The following ITPRID1 variants were observed in gnomAD, a reference collection of about 807,000 sequenced individuals.
ITPRID1 encodes the protein protein ITPRID1.
In ITPRID1, 96 loss-of-function variants were observed where a neutral mutation model predicts 95.4. The observed-to-expected ratio is 1.01, with a 90% CI of 0.85 to 1.19. The LOEUF (loss-of-function observed/expected upper bound fraction) is 1.19, where lower values mean the gene tolerates loss of function less well. Among genes scored for constraint, ITPRID1 ranks in the 50% most tolerant of loss-of-function variants. The probability of loss-of-function intolerance (pLI) is 0.00; values close to 1 mark genes in which losing one functional copy is unlikely to be tolerated. For missense variants in ITPRID1, 1,339 were observed against 1,252.9 expected, an observed-to-expected ratio of 1.07 and a Z score of -1.04; for synonymous variants, 510 against 453.6, an observed-to-expected ratio of 1.12 and a Z score of -1.58.
At position 31,643,697 on chromosome 7, in the gene ITPRID1, C is replaced by T; in HGVS notation, c.2327C>T (p.Pro776Leu). 6.2e-7 allele frequency: 1 copy of T among 1,614,024 alleles called. No individual in the cohort carries two copies. The highest frequency in any genetic ancestry group is 8.5e-7 in the Non-Finnish European group (1 of 1,179,902). ...ALSNKTLTHG[P>L]QPLTKSVSLD... ...AGCAACAAGACCTTGACACATGGGCCCCAGCCCCTCACCAAATCCGTCTCT... is the reference window on the plus strand; with the variant it reads ...AGCAACAAGACCTTGACACATGGGCTCCAGCCCCTCACCAAATCCGTCTCT... The change falls in exon 12 of 15, where the codon CCC becomes CTC. Residue 776 changes from proline to leucine, a missense_variant. Coordinates refer to ENST00000615280, the MANE Select transcript of ITPRID1 (RefSeq NM_001257967.3).
At chr7:31,631,933 G>T (rs7792597) in intron 10 of ITPRID1, among the ~76,000 whole-genome samples, 1 of 151,912 alleles carries the variant, frequency 6.6e-6, no homozygotes, top group Non-Finnish European at 1.5e-5. Context: ...GTGATGGCAG[G>T]TACCTTTGAT....
chr7:31,534,440 G>A (rs778608858), intron 1 of ITPRID1, among the ~76,000 whole-genome samples: 3 of 152,078 alleles, frequency 2.0e-5, no homozygotes, highest in Non-Finnish European at 4.4e-5. Context: ...ATGTCATTGG[G>A]AGCTGTTTTA....
chr7:31,531,022 G>A (rs971938170), intron 1 of ITPRID1, among the ~76,000 whole-genome samples: 6 of 152,234 alleles, frequency 3.9e-5, no homozygotes, highest in African/African-American at 1.4e-4. Context: ...TGCCTCTGGA[G>A]TAGGTCTGGG....
intron 10 of ITPRID1, among the ~76,000 whole-genome samples, chr7:31,620,977 C>A (rs889105026): frequency 6.6e-6 from 1 of 151,540 alleles, no homozygotes. Flanking sequence ...CCTCAGGAGC[C>A]AATGCGATCA....
At chr7:31,561,090 G>C (rs1207078120) in intron 5 of ITPRID1, among the ~76,000 whole-genome samples, 1 of 152,088 alleles carries the variant, frequency 6.6e-6, no homozygotes, top group Admixed American at 6.6e-5. Context: ...TGTATGAGCA[G>C]GAACGACACC....
intron 14 of ITPRID1, 64 bp downstream of exon 14, chr7:31,652,114 G>T: frequency 8.7e-7 from 1 of 1,147,950 alleles, no homozygotes; most frequent in South Asian, 1.4e-5. Context: ...TGCATTAAAT[G>T]AGAAACTTGA....
At chr7:31,589,791 T>C (rs1161846275) in intron 10 of ITPRID1, among the ~76,000 whole-genome samples, 1 of 152,260 alleles carries the variant, frequency 6.6e-6, no homozygotes, top group African/African-American at 2.4e-5. Context: ...ACTGTAAACA[T>C]TGCTAAAGGA....
Position 31,655,866 on chromosome 7 carries a change from G to C in ITPRID1, c.*3037G>C, listed in dbSNP as rs1296046893. 3.0e-6 allele frequency: 3 copies of C among 985,268 alleles called. No homozygotes were observed. The Admixed American group carries it at 1.8e-4, about 61-fold the overall frequency. 61.0% of individuals were successfully genotyped at this position (985,268 alleles called of 1,614,324 possible). A position where few individuals can be genotyped will look rare whatever the true frequency, so the allele number is the denominator to read the frequency against. On this transcript the variant is annotated 3_prime_UTR_variant, in exon 15 of 15. Transcript: ENST00000615280. Reference sequence around the variant, plus strand: ...CTTGCTCCTTCCCTGTAACGCCTACGGAATGAAGAGGAACACCTGGCTCTA... The same window carrying C: ...CTTGCTCCTTCCCTGTAACGCCTACCGAATGAAGAGGAACACCTGGCTCTA...
At chr7:31,610,622 G>A (rs1361616587) in intron 10 of ITPRID1, among the ~76,000 whole-genome samples, 1 of 151,452 alleles carries the variant, frequency 6.6e-6, no homozygotes, top group Non-Finnish European at 1.5e-5. Flanking sequence ...TTGGGACTCT[G>A]TTTTCAGGTC....
chr7:31,599,639 T>C (rs796686239), intron 10 of ITPRID1, among the ~76,000 whole-genome samples: 502 of 48,628 alleles, frequency 0.01, 13 homozygotes, highest in Non-Finnish European at 0.012. Context: ...CTTTCTTTCT[T>C]TCTTTCTTTT....
At chr7:31,602,918 C>T (rs1037465426) in intron 10 of ITPRID1, among the ~76,000 whole-genome samples, 22 of 125,254 alleles carry the variant, frequency 1.8e-4, no homozygotes, top group African/African-American at 6.1e-4. Context: ...TTCATAGATT[C>T]GTTAATAGTC....
chr7:31,615,744 T>C (rs1189584065), intron 10 of ITPRID1, among the ~76,000 whole-genome samples: 3 of 119,046 alleles, frequency 2.5e-5, no homozygotes, highest in East Asian at 5.5e-4. Flanking sequence ...TAGAGTTTAC[T>C]GAGAATTCTT....
At chr7:31,518,472 G>A (rs760416306) in intron 1 of ITPRID1, 3 of 152,382 alleles carry the variant, frequency 2.0e-5, no homozygotes, top group Non-Finnish European at 4.4e-5. Flanking sequence ...CGGGGAATAG[G>A]AATTGGATAG....
chr7:31,570,246 G>T (rs541508240), intron 6 of ITPRID1, among the ~76,000 whole-genome samples: 1 of 152,280 alleles, frequency 6.6e-6, no homozygotes, highest in East Asian at 1.9e-4. Flanking sequence ...GAAATACTAG[G>T]TCTCAAGTGT....
intron 11 of ITPRID1, 87 bp downstream of exon 11, chr7:31,642,345 C>A: frequency 2.2e-6 from 2 of 889,462 alleles, no homozygotes; most frequent in South Asian, 3.5e-5. Context: ...AAACCTCACT[C>A]ACAGCTAACT....
chr7:31,570,746 T>C lies in ITPRID1; in HGVS notation c.308+937T>C, dbSNP rs536122615. Among the ~76,000 whole-genome samples, 13 of 152,298 alleles carry C rather than the reference T, an allele frequency of 8.5e-5. No homozygotes were observed. In the South Asian group the frequency reaches 2.3e-3, roughly 27 times the overall value. On this transcript the variant is annotated intron_variant, in intron 6 of 14. Coordinates refer to ENST00000615280, the MANE Select transcript of ITPRID1 (RefSeq NM_001257967.3). ...CCAGGCTTTATTACAACAGTGACTC[T>C]GTATTGGTTCTCCTTGGATCCAAGG...
At position 31,642,730 on chromosome 7, in the gene ITPRID1, A is replaced by C; in HGVS notation, c.1360A>C (p.Lys454Gln). ...GAGTCCTGCTGAGAATGGAGGTAGAAAGCCAAGAGATCAGAGCCACAGCTT... is the reference window on the plus strand; with the variant it reads ...GAGTCCTGCTGAGAATGGAGGTAGACAGCCAAGAGATCAGAGCCACAGCTT... ...SQSPAENGGR[K>Q]PRDQSHSLVS... is the part of the protein sequence containing the mutation. The change falls in exon 12 of 15, where the codon AAG (lysine) becomes CAG (glutamine). Residue 454 changes from lysine (K) to glutamine (Q), a missense_variant. By Grantham distance (53) the Lys-to-Gln change is moderately conservative. Transcript: ENST00000615280. 6.2e-7 allele frequency: 1 copy of C among 1,614,004 alleles called. No individual in the cohort carries two copies. Among genetic ancestry groups the C allele is most frequent in the Non-Finnish European group, 8.5e-7 (1 of 1,179,890 alleles).
rs1562669166 is a variant in ITPRID1, at chr7:31,656,466, A to C, written c.*3637A>C. 1 of 977,980 alleles carries C rather than the reference A, an allele frequency of 1.0e-6. No individual in the cohort carries two copies. Among genetic ancestry groups the C allele is most frequent in the East Asian group, 1.1e-4 (1 of 8,788 alleles). 60.6% of individuals were successfully genotyped at this position (977,980 alleles called of 1,614,324 possible). A position where few individuals can be genotyped will look rare whatever the true frequency, so the allele number is the denominator to read the frequency against. Reference sequence around the variant, plus strand: ...TTCAATGCATGTTGGCTATTATTACAAGTGCACATACCAAGAACTCAATAA... The same window carrying C: ...TTCAATGCATGTTGGCTATTATTACCAGTGCACATACCAAGAACTCAATAA... On this transcript the variant is annotated 3_prime_UTR_variant, in exon 15 of 15. Coordinates refer to ENST00000615280, the MANE Select transcript of ITPRID1 (RefSeq NM_001257967.3).
intron 1 of ITPRID1, among the ~76,000 whole-genome samples, chr7:31,529,006 A>C (rs1287107762): frequency 1.3e-5 from 2 of 152,228 alleles, no homozygotes; most frequent in Non-Finnish European, 2.9e-5. Flanking sequence ...TTTAATTCAA[A>C]AAATGAGGTC....
Sources: allele counts gnomAD v4.1 joint callset (sites outside exome capture counted in the v4.1 genomes callset), GRCh38; gene constraint gnomAD v4.1.1; transcripts MANE v1.5; gene names NCBI Gene and HGNC (gene_info 2026-07-23, HGNC 2026-07-21).